Variants in SLC9C1 observed in about 807,000 individuals in gnomAD.
SLC9C1 encodes solute carrier family 9 member C1.
A neutral mutation model predicts 140.9 loss-of-function variants in SLC9C1; 97 were observed. The ratio of observed to expected loss-of-function variants is 0.69; its 90% CI spans 0.58 to 0.82. The LOEUF (loss-of-function observed/expected upper bound fraction) is 0.82, where lower values mean the gene tolerates loss of function less well. Among genes scored for constraint, SLC9C1 ranks in the 40% least tolerant of loss-of-function variants. The probability of loss-of-function intolerance (pLI) is 0.00; values close to 1 mark genes in which losing one functional copy is unlikely to be tolerated. For synonymous variants in SLC9C1, 440 were observed against 442.6 expected (o/e 0.99, Z 0.07); for missense variants, 1,340 against 1,389.3 (o/e 0.96, Z 0.56).
At chr3:112,282,340 T>C (rs540486977) in intron 2 of SLC9C1, among the ~76,000 whole-genome samples, 35 of 151,710 alleles carry the variant, frequency 2.3e-4, no homozygotes, top group Non-Finnish European at 4.0e-4. Context: ...ACAAAGGTAA[T>C]GGCAACAGCT....
At chr3:112,178,561 C>T (rs960009121) in intron 23 of SLC9C1, among the ~76,000 whole-genome samples, 2 of 152,162 alleles carry the variant, frequency 1.3e-5, no homozygotes, top group Non-Finnish European at 2.9e-5. Flanking sequence ...CCTGTATTTT[C>T]TGTAAACTGA....
chr3:112,175,728 T>C (rs936012358), intron 23 of SLC9C1, among the ~76,000 whole-genome samples: 4 of 152,132 alleles, frequency 2.6e-5, no homozygotes, highest in African/African-American at 9.7e-5. Context: ...TCTGACTGCT[T>C]CTCCATAGTA....
intron 10 of SLC9C1, among the ~76,000 whole-genome samples, chr3:112,249,404 A>G (rs1280282171): frequency 6.6e-6 from 1 of 151,310 alleles, no homozygotes; most frequent in East Asian, 1.9e-4. Context: ...TATTGGCCCG[A>G]AGTTTTATTT....
chr3:112,269,658 T>A (rs2080017674), intron 7 of SLC9C1, among the ~76,000 whole-genome samples: 1 of 152,212 alleles, frequency 6.6e-6, no homozygotes, highest in South Asian at 2.1e-4. Flanking sequence ...GGGAAAGGCA[T>A]AATAATTTAT....
chr3:112,151,725 G>A, intron 28 of SLC9C1, 132 bp downstream of exon 28: 1 of 708,650 alleles, frequency 1.4e-6, no homozygotes, highest in Non-Finnish European at 2.5e-6. Context: ...ACTGTAATTA[G>A]AAGAATCATC....
chr3:112,141,426 G>T, intron 28 of SLC9C1, 145 bp from the exon 29 acceptor site: 1 of 680,802 alleles, frequency 1.5e-6, no homozygotes, highest in Non-Finnish European at 2.3e-6. Flanking sequence ...GCCAAGGAAG[G>T]AAATTGAGCA....
At chr3:112,240,706 TG>T (rs1559701422) in intron 11 of SLC9C1, among the ~76,000 whole-genome samples, 2 of 152,206 alleles carry the variant, frequency 1.3e-5, no homozygotes, top group Admixed American at 6.5e-5. Flanking sequence ...CATAACCTCA[TG>T]AGCCAGTTAA....
chr3:112,233,063 A>ATTT, intron 12 of SLC9C1, among the ~76,000 whole-genome samples: 1 of 140,476 alleles, frequency 7.1e-6, no homozygotes, highest in South Asian at 2.3e-4. Flanking sequence ...ATATATATAT[A>ATTT]TATATTATAT....
intron 14 of SLC9C1, among the ~76,000 whole-genome samples, chr3:112,219,066 T>C (rs1357174608): frequency 2.6e-5 from 4 of 152,220 alleles, no homozygotes; most frequent in African/African-American, 9.6e-5. Context: ...TGAGGTAAAA[T>C]AGGTTAATAC....
intron 5 of SLC9C1, among the ~76,000 whole-genome samples, chr3:112,275,729 A>C (rs79349023): frequency 0.074 from 11,256 of 152,254 alleles, 499 homozygotes; most frequent in East Asian, 0.2. Context: ...CTGCAATCAC[A>C]ACCTAACTAC....
rs371294033 is a variant in SLC9C1, at chr3:112,200,705, A to G, written c.2374+6T>C. 25 of 1,607,646 alleles carry G rather than the reference A, an allele frequency of 1.6e-5. No individual in the cohort carries two copies. Among genetic ancestry groups the G allele is most frequent in the African/African-American group, 4.0e-5 (3 of 74,542 alleles). ...GGTCATGCTAAATAGGATGAGAGCTACTTACCTAGCTCTTTTATAGCATGT... is the reference window on the plus strand; with the variant it reads ...GGTCATGCTAAATAGGATGAGAGCTGCTTACCTAGCTCTTTTATAGCATGT... On this transcript the variant is annotated splice_donor_region_variant and intron_variant, in intron 19 of 28. Coordinates refer to ENST00000305815, the MANE Select transcript of SLC9C1 (RefSeq NM_183061.3).
At chr3:112,282,780 G>A (rs968678993) in intron 2 of SLC9C1, among the ~76,000 whole-genome samples, 1 of 152,156 alleles carries the variant, frequency 6.6e-6, no homozygotes, top group Non-Finnish European at 1.5e-5. Flanking sequence ...TCAAGCTAAT[G>A]TTTAGAAATA....
At chr3:112,159,082 G>A (rs1301962245) in intron 26 of SLC9C1, among the ~76,000 whole-genome samples, 2 of 151,282 alleles carry the variant, frequency 1.3e-5, no homozygotes, top group Non-Finnish European at 3.0e-5. Flanking sequence ...CCTGAGGTGT[G>A]TCATTAGATT....
intron 26 of SLC9C1, among the ~76,000 whole-genome samples, chr3:112,159,230 T>A (rs772688450): frequency 2.0e-5 from 3 of 151,892 alleles, no homozygotes; most frequent in Non-Finnish European, 4.4e-5. Flanking sequence ...TTAAAAAAAA[T>A]GTTTCCTTTA....
intron 13 of SLC9C1, among the ~76,000 whole-genome samples, chr3:112,230,535 G>T (rs1486278960): frequency 6.6e-6 from 1 of 152,146 alleles, no homozygotes; most frequent in Non-Finnish European, 1.5e-5. Context: ...GCTTAAAGAA[G>T]TTATTTATGT....
rs747777872 is a variant in SLC9C1 at position 112,204,272 on chromosome 3, T to A, written c.2118A>T (p.Glu706Asp). ...GAACAACTTTTATAAAGACTATTAC[T>A]TCAGTCTCATTAAAAATATACTTAA... ...DTIKYIFNET[E>D]VIVFIKVVQF... is the part of the protein sequence containing the mutation. Residue 706 changes from glutamate to aspartate, a missense_variant, in exon 17 of 29, where the codon GAA (glutamate) becomes GAT (aspartate). Coordinates refer to ENST00000305815, the MANE Select transcript of SLC9C1 (RefSeq NM_183061.3). The A allele has an allele frequency of 2.0e-5, 31 of 1,549,740 alleles. No individual in the cohort carries two copies. Among genetic ancestry groups the A allele is most frequent in the Non-Finnish European group, 2.6e-5 (30 of 1,157,272 alleles).
intron 9 of SLC9C1, 86 bp from the exon 10 acceptor site, chr3:112,263,184 G>C: frequency 3.5e-6 from 4 of 1,149,086 alleles, no homozygotes; most frequent in Non-Finnish European, 4.7e-6. Flanking sequence ...TCTACTCCCT[G>C]TAGAATTCCT....
At chr3:112,179,459 A>G (rs2077398218) in intron 23 of SLC9C1, 72 bp downstream of exon 23, 2 of 1,473,758 alleles carry the variant, frequency 1.4e-6, no homozygotes, top group East Asian at 2.4e-5. Context: ...CTTATACTAA[A>G]TACTAAAATA....
At chr3:112,244,200 A>G in intron 10 of SLC9C1, 124 bp from the exon 11 acceptor site, 2 of 466,960 alleles carry the variant, frequency 4.3e-6, no homozygotes, top group Admixed American at 4.3e-5. Flanking sequence ...GTGTTAATAG[A>G]TGCTCATGGC....
Sources: gnomAD v4.1 joint callset for allele counts (sites outside exome capture counted in the v4.1 genomes callset) on GRCh38, gnomAD v4.1.1 for gene constraint, MANE v1.5 for transcripts, NCBI Gene and HGNC (gene_info 2026-07-23, HGNC 2026-07-21) for gene names.